DAP3: variants seen among roughly 807,000 people sequenced by gnomAD.
DAP3 encodes the protein small ribosomal subunit protein mS29.
In DAP3, 28 loss-of-function variants were observed where a neutral mutation model predicts 51.9. The observed-to-expected ratio is 0.54, with a 90% confidence interval of 0.40 to 0.74. DAP3 has a LOEUF of 0.74. DAP3 is among the 30% of genes least tolerant of loss of function. The pLI is 0.00. For synonymous variants in DAP3, 170 were observed against 170.3 expected (o/e 1.00, Z 0.01); for missense variants, 458 against 483.5 (o/e 0.95, Z 0.49).
chr1:155,704,908 A>C (rs190860768), intron 1 of DAP3, among the ~76,000 whole-genome samples: 66 of 151,040 alleles, frequency 4.4e-4, no homozygotes, highest in Middle Eastern at 3.5e-3. Context: ...GAACTCGGGA[A>C]GTGGATGTTG....
chr1:155,693,658 G>A (rs1654153859), intron 1 of DAP3, among the ~76,000 whole-genome samples: 1 of 142,142 alleles, frequency 7.0e-6, no homozygotes, highest in Non-Finnish European at 1.5e-5. Flanking sequence ...AAGTACCACA[G>A]CGTGATCAGA....
chr1:155,691,090 G>A (rs981299358), intron 1 of DAP3, among the ~76,000 whole-genome samples: 3 of 141,574 alleles, frequency 2.1e-5, no homozygotes, highest in Admixed American at 2.0e-4. Flanking sequence ...TGTATTTTTA[G>A]TAGAGACGGG....
chr1:155,727,540 G>A (rs1557793588), intron 6 of DAP3, 68 bp from the exon 7 acceptor site: 1 of 1,550,306 alleles, frequency 6.5e-7, no homozygotes. Flanking sequence ...CTTAAAAGAG[G>A]CATAGAATAT....
At chr1:155,702,699 G>A (rs1038331915) in intron 1 of DAP3, among the ~76,000 whole-genome samples, 17 of 151,684 alleles carry the variant, frequency 1.1e-4, no homozygotes, top group Middle Eastern at 3.2e-3. Flanking sequence ...GGCCGGGCAC[G>A]ATGGCTCACG....
At chr1:155,709,012 T>G (rs1656366001) in intron 1 of DAP3, 1 of 152,168 alleles carries the variant, frequency 6.6e-6, no homozygotes, top group South Asian at 2.1e-4. Context: ...CCGACTAATT[T>G]TTTAAAATAT....
At chr1:155,703,963 C>G (rs1655647296) in intron 1 of DAP3, among the ~76,000 whole-genome samples, 1 of 152,184 alleles carries the variant, frequency 6.6e-6, no homozygotes, top group Non-Finnish European at 1.5e-5. Flanking sequence ...GCCCAGGCAA[C>G]ATAGCCAGAC....
intron 7 of DAP3, among the ~76,000 whole-genome samples, chr1:155,728,743 C>G (rs959742539): frequency 5.3e-5 from 8 of 151,976 alleles, no homozygotes; most frequent in African/African-American, 1.9e-4. Context: ...GCCTGAAATC[C>G]CAGCTACTTG....
intron 11 of DAP3, among the ~76,000 whole-genome samples, chr1:155,733,574 C>T (rs930063434): frequency 1.3e-5 from 2 of 152,176 alleles, no homozygotes; most frequent in Admixed American, 6.6e-5. Context: ...TGTGATGGCT[C>T]ACGTCTGTAA....
chr1:155,737,097 GT>G (rs1320582269), intron 12 of DAP3, 34 bp downstream of exon 12: 11 of 1,460,320 alleles, frequency 7.5e-6, no homozygotes, highest in Non-Finnish European at 1.1e-5. Context: ...TCAGGGCTTT[GT>G]GATCACAGTA....
Position 155,717,073 on chromosome 1 carries a change from A to G in DAP3, c.113A>G (p.Asn38Ser). ...CAAAGCATTGCTGCTCACCTAGATA[A>G]CCAGGTTCCAGTTGAGAGTCCGAGA... The part of the protein sequence containing the change: ...ARQSIAAHLD[N>S]QVPVESPRAI... The change falls in exon 3 of 13, where the codon AAC becomes AGC. Residue 38 changes from asparagine (N) to serine (S), a missense_variant. Physicochemically the swap from Asn to Ser is conservative, Grantham distance 46. Coordinates refer to ENST00000368336, the MANE Select transcript of DAP3 (RefSeq NM_004632.4). 1 of 1,614,106 alleles carries G rather than the reference A, an allele frequency of 6.2e-7. No individual in the cohort carries two copies. Among genetic ancestry groups the G allele is most frequent in the South Asian group, 1.1e-5 (1 of 91,082 alleles).
At chr1:155,704,271 A>G (rs2666822) in intron 1 of DAP3, among the ~76,000 whole-genome samples, 10 of 152,254 alleles carry the variant, frequency 6.6e-5, no homozygotes, top group African/African-American at 9.6e-5. Flanking sequence ...ATAGTGTCCT[A>G]GAACGGAAGC....
chr1:155,692,401 G>T (rs1300379511), intron 1 of DAP3, among the ~76,000 whole-genome samples: 1 of 141,298 alleles, frequency 7.1e-6, no homozygotes, highest in East Asian at 1.9e-4. Flanking sequence ...TTTTAAAACT[G>T]CCATTGCTAT....
At chr1:155,703,299 A>G (rs1274831617) in intron 1 of DAP3, among the ~76,000 whole-genome samples, 1 of 152,228 alleles carries the variant, frequency 6.6e-6, no homozygotes, top group Admixed American at 6.5e-5. Flanking sequence ...GAAGGCAACA[A>G]GGAGCAAGTC....
intron 1 of DAP3, among the ~76,000 whole-genome samples, chr1:155,700,654 G>C (rs1403677709): frequency 1.5e-5 from 2 of 131,322 alleles, no homozygotes; most frequent in African/African-American, 5.8e-5. Context: ...GAAGTGAGGA[G>C]CCCCTCAGCC....
At chr1:155,719,478 C>T (rs919336389) in intron 3 of DAP3, among the ~76,000 whole-genome samples, 9 of 151,838 alleles carry the variant, frequency 5.9e-5, no homozygotes, top group African/African-American at 1.9e-4. Context: ...TCAGGCAATC[C>T]GCTCACCTTG....
At chr1:155,699,521 C>T (rs114826191) in intron 1 of DAP3, among the ~76,000 whole-genome samples, 1,834 of 152,262 alleles carry the variant, frequency 0.012, 36 homozygotes, top group African/African-American at 0.042. Flanking sequence ...TTTTTCCCAA[C>T]GCTTAATGAC....
intron 4 of DAP3, 52 bp from the exon 5 acceptor site, chr1:155,725,330 C>T (rs1658449736): frequency 2.6e-6 from 4 of 1,516,096 alleles, no homozygotes; most frequent in Non-Finnish European, 3.7e-6. Flanking sequence ...TACCACCCCC[C>T]ACCCACTCCT....
At chr1:155,731,319 C>T (rs758802079) in intron 9 of DAP3, 37 bp from the exon 10 acceptor site, 8 of 1,597,892 alleles carry the variant, frequency 5.0e-6, no homozygotes, top group African/African-American at 2.7e-5. Flanking sequence ...AGGAAAGGCA[C>T]GTGATGATCT....
In DAP3 at chr1:155,732,012, G is replaced by A. The variant is rs756584062; in HGVS notation, c.972G>A (p.Leu324=). The A allele has an allele frequency of 7.4e-6, 12 of 1,611,272 alleles. No homozygotes were observed. The South Asian group carries it at 1.3e-4, about 18-fold the overall frequency. ...TCTTTAAGCCCCGGAAAGCCTATCT[G>A]CCCCAGGAGTTGCTGGGAAAGGTCA... ...GSLFKPRKAY[L]PQELLGKEGF... Residue 324 remains leucine (L), a synonymous_variant, in exon 11 of 13, where the codon CTG becomes CTA. Transcript: ENST00000368336.
Sources: allele counts gnomAD v4.1 joint callset (sites outside exome capture counted in the v4.1 genomes callset), GRCh38; gene constraint gnomAD v4.1.1; transcripts MANE v1.5; gene names NCBI Gene and HGNC (gene_info 2026-07-23, HGNC 2026-07-21).